Variants in CFAP20 observed in about 807,000 individuals in gnomAD.
CFAP20 encodes cilia- and flagella-associated protein 20.
Under a neutral mutation model 25.5 loss-of-function variants are expected in CFAP20, and 14 were observed. The observed-to-expected ratio is 0.55, with a 90% CI of 0.36 to 0.86. CFAP20 has a LOEUF of 0.86. Among genes scored for constraint, CFAP20 ranks in the 40% least tolerant of loss-of-function variants. The pLI is 0.01. For missense variants in CFAP20, 181 were observed against 248.0 expected (o/e 0.73, Z 1.81); for synonymous variants, 75 against 91.1 (o/e 0.82, Z 1.01).
At chr16:58,116,193 C>T (rs1960456487) in intron 2 of CFAP20, 41 bp from the exon 3 acceptor site, 2 of 1,427,686 alleles carry the variant, frequency 1.4e-6, no homozygotes, top group Admixed American at 3.4e-5. Flanking sequence ...CTCCTGGACT[C>T]TCTTCCTTTG....
chr16:58,113,809 G>T lies in CFAP20; in HGVS notation c.*216C>A, dbSNP rs1051918. 5.3e-6 allele frequency: 3 copies of T among 563,836 alleles called. No homozygotes were observed. Among genetic ancestry groups the T allele is most frequent in the Non-Finnish European group, 9.5e-6 (3 of 314,612 alleles). The allele number at this position is 563,836 out of a possible 1,614,324, so 34.9% of individuals were successfully genotyped here. Reference sequence around the variant, plus strand: ...GCGGAATAAGCTCCAGCGTTCATGCGCCACTCACAGGACTGCTTACCCCCA... The same window carrying T: ...GCGGAATAAGCTCCAGCGTTCATGCTCCACTCACAGGACTGCTTACCCCCA... On this transcript the variant is annotated 3_prime_UTR_variant, in exon 6 of 6. Transcript: ENST00000262498.
chr16:58,121,709 C>T (rs1960537653), intron 1 of CFAP20, among the ~76,000 whole-genome samples: 1 of 152,150 alleles, frequency 6.6e-6, no homozygotes, highest in Non-Finnish European at 1.5e-5. Context: ...ATCACTCTCC[C>T]AGGCTTTCCA....
Position 58,113,792 on chromosome 16 carries a change from A to T in CFAP20, c.*233T>A, listed in dbSNP as rs2142363281. 2 of 526,402 alleles carry T rather than the reference A, an allele frequency of 3.8e-6. No homozygotes were observed. The highest frequency in any genetic ancestry group is 6.2e-5 in the East Asian group (2 of 32,372). 32.6% of individuals were successfully genotyped at this position (526,402 alleles called of 1,614,324 possible). On this transcript the variant is annotated 3_prime_UTR_variant, in exon 6 of 6. Coordinates refer to ENST00000262498, the MANE Select transcript of CFAP20 (RefSeq NM_013242.3). ...CCACACTGGGGCAGGCGGCGGAATA[A>T]GCTCCAGCGTTCATGCGCCACTCAC... is the stretch of plus-strand genomic sequence containing the variant.
At chr16:58,117,982 G>A (rs944649617) in intron 1 of CFAP20, among the ~76,000 whole-genome samples, 1 of 152,138 alleles carries the variant, frequency 6.6e-6, no homozygotes, top group African/African-American at 2.4e-5. Flanking sequence ...TCTGGCTCAT[G>A]TTGTCTAGAC....
At chr16:58,116,614 G>C in intron 2 of CFAP20, 1 of 511,230 alleles carries the variant, frequency 2.0e-6, no homozygotes, top group Non-Finnish European at 3.5e-6. Flanking sequence ...TGCTAAGCAA[G>C]GCTTTACGTG....
intron 3 of CFAP20, 63 bp from the exon 4 acceptor site, chr16:58,115,520 C>T: frequency 6.4e-7 from 1 of 1,567,296 alleles, no homozygotes; most frequent in Admixed American, 1.9e-5. Flanking sequence ...ACAACCTTGT[C>T]CAGACAAGGA....
intron 4 of CFAP20, 162 bp downstream of exon 4, chr16:58,115,107 C>T (rs1404845513): frequency 7.1e-6 from 8 of 1,121,828 alleles, no homozygotes; most frequent in East Asian, 2.4e-5. Flanking sequence ...CCTGACCCGA[C>T]TTCTGAATAT....
At chr16:58,123,014 G>C (rs1296384861) in intron 1 of CFAP20, among the ~76,000 whole-genome samples, 1 of 151,864 alleles carries the variant, frequency 6.6e-6, no homozygotes, top group African/African-American at 2.4e-5. Context: ...TTTTTTTTGA[G>C]ACAAAGTTTT....
At chr16:58,121,207 T>C (rs1960530373) in intron 1 of CFAP20, among the ~76,000 whole-genome samples, 1 of 152,186 alleles carries the variant, frequency 6.6e-6, no homozygotes, top group South Asian at 2.1e-4. Flanking sequence ...TATAAAGGTC[T>C]TCCAGGAAAG....
intron 4 of CFAP20, 52 bp downstream of exon 4, chr16:58,115,217 C>T (rs555538758): frequency 7.2e-5 from 115 of 1,603,462 alleles, no homozygotes; most frequent in South Asian, 1.3e-4. Context: ...CAATATTAGA[C>T]GCAGTGTGCC....
chr16:58,122,035 A>T (rs1227455583), intron 1 of CFAP20, among the ~76,000 whole-genome samples: 1 of 152,198 alleles, frequency 6.6e-6, no homozygotes, highest in African/African-American at 2.4e-5. Flanking sequence ...TTTCAGCAGG[A>T]AAGTTCCTGC....
chr16:58,123,518 C>T (rs1353543266), intron 1 of CFAP20, among the ~76,000 whole-genome samples: 2 of 140,182 alleles, frequency 1.4e-5, no homozygotes, highest in South Asian at 4.8e-4. Context: ...ATGGCGTGAA[C>T]CCAGGTGGTG....
At chr16:58,128,891 C>T (rs1960664457) in intron 1 of CFAP20, 141 bp downstream of exon 1, 1 of 902,300 alleles carries the variant, frequency 1.1e-6, no homozygotes, top group African/African-American at 1.7e-5. Flanking sequence ...CCCAGTCCCG[C>T]CAGGCTGGGG....
At chr16:58,115,838 G>C (rs757062408) in intron 3 of CFAP20, 1 of 515,118 alleles carries the variant, frequency 1.9e-6, no homozygotes, top group Non-Finnish European at 3.4e-6. Context: ...GGTTTTCTAG[G>C]TGCTGTTTCT....
chr16:58,123,592 T>A, intron 1 of CFAP20, among the ~76,000 whole-genome samples: 1 of 40,110 alleles, frequency 2.5e-5, no homozygotes, highest in Admixed American at 5.0e-4. Flanking sequence ...CAAGACTCTG[T>A]CTCAAAAAAA....
intron 3 of CFAP20, 27 bp from the exon 4 acceptor site, chr16:58,115,484 C>T (rs1960445822): frequency 1.2e-6 from 2 of 1,610,256 alleles, no homozygotes; most frequent in East Asian, 4.5e-5. Flanking sequence ...AGAAGCATCA[C>T]ACTAGCTCTG....
In CFAP20 at chr16:58,127,326, C is replaced by T. The variant is rs118020072; in HGVS notation, c.84+1706G>A. 9.0e-3 allele frequency among the ~76,000 whole-genome samples: 1,373 copies of T among 152,330 alleles called. 16 individuals carry two copies. Among genetic ancestry groups the T allele is most frequent in the Middle Eastern group, 0.041 (12 of 294 alleles). On this transcript the variant is annotated intron_variant, in intron 1 of 5. Coordinates refer to ENST00000262498, the MANE Select transcript of CFAP20 (RefSeq NM_013242.3). ...CTGAGGCCTCCCTACTACTGGAATT[C>T]TTTCAGCTTTAGTAAGTTCTCTATC...
intron 1 of CFAP20, among the ~76,000 whole-genome samples, chr16:58,123,725 AAG>A (rs1314986939): frequency 6.6e-6 from 1 of 151,812 alleles, no homozygotes; most frequent in Non-Finnish European, 1.5e-5. Flanking sequence ...CATTAAACGT[AAG>A]AGTCTTTTAA....
chr16:58,114,038 G>A lies in CFAP20; in HGVS notation c.577-8C>T, dbSNP rs1295449613. ...TCACAATTCCAGTTATTGCTGAAGG[G>A]AAAAAACAGAGAAGTGGCATCAGTT... On this transcript the variant is annotated splice_region_variant and splice_polypyrimidine_tract_variant and intron_variant, in intron 5 of 5. Coordinates refer to ENST00000262498, the MANE Select transcript of CFAP20 (RefSeq NM_013242.3). 1.2e-6 allele frequency: 2 copies of A among 1,613,318 alleles called. No homozygotes were observed. The highest frequency in any genetic ancestry group is 1.7e-6 in the Non-Finnish European group (2 of 1,179,464).
Sources: gnomAD v4.1 joint callset for allele counts (sites outside exome capture counted in the v4.1 genomes callset) on GRCh38, gnomAD v4.1.1 for gene constraint, MANE v1.5 for transcripts, NCBI Gene and HGNC (gene_info 2026-07-23, HGNC 2026-07-21) for gene names.